The following RGS8 variants were observed in gnomAD, a reference collection of about 807,000 sequenced individuals.
The protein encoded by RGS8 is regulator of G-protein signaling 8.
A neutral mutation model predicts 21.7 loss-of-function variants in RGS8; 8 were observed. The ratio of observed to expected loss-of-function variants is 0.37; its 90% confidence interval spans 0.22 to 0.66. The LOEUF is 0.66. Ranked by LOEUF, RGS8 falls within the 30% of genes least tolerant of loss-of-function variation. RGS8 has a pLI of 0.59. For synonymous variants in RGS8, 80 were observed against 83.6 expected (o/e 0.96, Z 0.24); for missense variants, 157 against 217.9 (o/e 0.72, Z 1.76).
At chr1:182,686,236 G>A (rs1179346889), upstream of RGS8, among the ~76,000 whole-genome samples, 36 of 152,216 alleles carry the variant, frequency 2.4e-4, no homozygotes, top group Admixed American at 2.4e-3. Flanking sequence ...GTGATAGGAT[G>A]CCACAGTGGT....
upstream of RGS8, among the ~76,000 whole-genome samples, chr1:182,689,264 GACACAC>G (rs34000229): frequency 0.021 from 2,684 of 125,718 alleles, 35 homozygotes; most frequent in African/African-American, 0.035. Context: ...CACACACACA[GACACAC>G]ACACACACAC....
upstream of RGS8, among the ~76,000 whole-genome samples, chr1:182,685,571 T>A (rs1664681576): frequency 6.6e-6 from 1 of 152,088 alleles, no homozygotes; most frequent in African/African-American, 2.4e-5. Flanking sequence ...CAAACACAGC[T>A]AACGATGGGA....
chr1:182,666,893 T>C lies in RGS8; in HGVS notation c.107A>G (p.Asp36Gly). The C allele has an allele frequency of 1.9e-6, 3 of 1,614,094 alleles. No individual in the cohort carries two copies. In the South Asian group the frequency reaches 3.3e-5, roughly 18 times the overall value. ...TCACTTGAGAGCGCGGTTGGGTTTG[T>C]CTGGAAGAATAGCTGTGAAATCACT... Residue 36 changes from aspartate (D) to glycine (G), a missense_variant, in exon 4 of 7, where the codon GAC becomes GGC. Physicochemically the swap from Asp to Gly is moderately conservative, Grantham distance 94. Around this residue, in one of 3 missense-constraint regions of RGS8, gnomAD observed 125 missense variants for 179.4 expected, o/e 0.70. Transcript: ENST00000483095.
the RGS8 span, among the ~76,000 whole-genome samples, chr1:182,742,098 A>G: frequency 1.3e-4 from 19 of 145,546 alleles, no homozygotes; most frequent in Admixed American, 1.1e-3. Flanking sequence ...CACATCCCAG[A>G]CAGGGCGGCG....
chr1:182,690,557 T>C, the RGS8 span, among the ~76,000 whole-genome samples: 7 of 152,258 alleles, frequency 4.6e-5, no homozygotes, highest in African/African-American at 1.4e-4. Flanking sequence ...ATTTTCTTTT[T>C]GTTAAATGAC....
chr1:182,652,042 T>TGAG (rs1281497285), intron 5 of RGS8, among the ~76,000 whole-genome samples: 1 of 152,128 alleles, frequency 6.6e-6, no homozygotes, highest in Admixed American at 6.5e-5. Flanking sequence ...ATTCAGTGAA[T>TGAG]GAGGAGGAGA....
At chr1:182,731,919 A>T in the RGS8 span, among the ~76,000 whole-genome samples, 2 of 152,202 alleles carry the variant, frequency 1.3e-5, no homozygotes, top group Non-Finnish European at 2.9e-5. Context: ...AAAGGCTGCC[A>T]GTATTAGTAC....
At chr1:182,670,810 C>T (rs189755879) in intron 2 of RGS8, among the ~76,000 whole-genome samples, 31 of 152,298 alleles carry the variant, frequency 2.0e-4, no homozygotes, top group Admixed American at 1.4e-3. Context: ...TCCATTGTCA[C>T]GGATTGTGTT....
At chr1:182,722,997 A>C in the RGS8 span, among the ~76,000 whole-genome samples, 410 of 151,674 alleles carry the variant, frequency 2.7e-3, 3 homozygotes, top group African/African-American at 9.5e-3. Context: ...TAAATAAATA[A>C]AAATAAAAAT....
upstream of RGS8, chr1:182,671,989 T>G: frequency 1.7e-6 from 2 of 1,198,838 alleles, no homozygotes; most frequent in African/African-American, 1.6e-5. Context: ...CCCATCCTCA[T>G]TGGCAGGATG....
At chr1:182,721,474 C>T in the RGS8 span, among the ~76,000 whole-genome samples, 3 of 152,076 alleles carry the variant, frequency 2.0e-5, no homozygotes, top group Middle Eastern at 3.2e-3. Flanking sequence ...TTCTTCACAG[C>T]GTGACAGAAA....
chr1:182,709,890 T>C, the RGS8 span, among the ~76,000 whole-genome samples: 4 of 152,344 alleles, frequency 2.6e-5, no homozygotes, highest in East Asian at 7.7e-4. Flanking sequence ...GAAACAGTTA[T>C]AGTTCTTGGC....
downstream of RGS8, chr1:182,643,595 T>A (rs937663857): frequency 6.6e-6 from 1 of 152,070 alleles, no homozygotes; most frequent in African/African-American, 2.4e-5. Flanking sequence ...ATTAAAAATG[T>A]GGATTTCTGG....
At chr1:182,733,348 G>A in the RGS8 span, among the ~76,000 whole-genome samples, 1 of 152,358 alleles carries the variant, frequency 6.6e-6, no homozygotes, top group East Asian at 1.9e-4. Context: ...ATGAAGGATT[G>A]TAGAGATTAT....
upstream of RGS8, among the ~76,000 whole-genome samples, chr1:182,672,496 C>T (rs1356096415): frequency 6.6e-6 from 1 of 152,142 alleles, no homozygotes; most frequent in African/African-American, 2.4e-5. Flanking sequence ...CAGCTGTGCC[C>T]CTTACTCTAC....
the RGS8 span, among the ~76,000 whole-genome samples, chr1:182,716,245 C>T: frequency 6.6e-6 from 1 of 151,818 alleles, no homozygotes; most frequent in South Asian, 2.1e-4. Context: ...CCTGCATCAG[C>T]CTCCTGAGTA....
chr1:182,656,973 T>A lies in RGS8; in HGVS notation c.194-8670A>T, dbSNP rs549377361. Among the ~76,000 whole-genome samples, 5 of 152,248 alleles carry A rather than the reference T, an allele frequency of 3.3e-5. No homozygotes were observed. The South Asian group carries it at 1.0e-3, about 32-fold the overall frequency. ...GAGCCTGCACTGAACAAAGAGATACTTTAGTCTGAATAATGGAAGGGAGAA... is the reference window on the plus strand; with the variant it reads ...GAGCCTGCACTGAACAAAGAGATACATTAGTCTGAATAATGGAAGGGAGAA... On this transcript the variant is annotated intron_variant, in intron 5 of 6. Coordinates refer to ENST00000483095, the Ensembl canonical transcript of RGS8.
the RGS8 span, among the ~76,000 whole-genome samples, chr1:182,749,156 A>T: frequency 0.058 from 8,855 of 152,288 alleles, 272 homozygotes; most frequent in Middle Eastern, 0.075. Flanking sequence ...TTATCCAAAA[A>T]ATCCTGGCCC....
chr1:182,706,647 A>G, the RGS8 span, among the ~76,000 whole-genome samples: 1 of 150,670 alleles, frequency 6.6e-6, no homozygotes, highest in Non-Finnish European at 1.5e-5. Flanking sequence ...TTGTATTTCT[A>G]TTAGAGATGG....
Sources: gnomAD v4.1 joint callset for allele counts (sites outside exome capture counted in the v4.1 genomes callset) on GRCh38, gnomAD v4.1.1 for gene constraint, gnomAD v4.1.1 regional missense constraint, MANE v1.5 for transcripts, NCBI Gene and HGNC (gene_info 2026-07-23, HGNC 2026-07-21) for gene names.